Variants in OGFOD3 observed in about 807,000 individuals in gnomAD.
OGFOD3 encodes the protein 2-oxoglutarate and iron-dependent oxygenase domain-containing protein 3.
A neutral mutation model predicts 39.8 loss-of-function variants in OGFOD3; 35 were observed. The observed-to-expected ratio is 0.88, with a 90% CI of 0.67 to 1.17. The LOEUF (loss-of-function observed/expected upper bound fraction) is 1.17. Ranked by LOEUF, OGFOD3 falls within the 50% of genes most tolerant of loss-of-function variation. The pLI is 0.00. For missense variants in OGFOD3, 438 were observed against 454.5 expected (o/e 0.96, Z 0.33); for synonymous variants, 200 against 192.0 (o/e 1.04, Z -0.34).
intron 7 of OGFOD3, among the ~76,000 whole-genome samples, chr17:82,399,637 T>A (rs915259761): frequency 2.0e-5 from 3 of 152,066 alleles, no homozygotes; most frequent in African/African-American, 7.2e-5. Context: ...CGCCCCCCAG[T>A]CCTGCCCTCT....
chr17:82,394,620 A>G, intron 8 of OGFOD3: 1 of 1,203,858 alleles, frequency 8.3e-7, no homozygotes. Flanking sequence ...TACACCCTCC[A>G]GAGAGAGGCC....
Position 82,401,803 on chromosome 17 carries a change from C to CAAA in OGFOD3, c.699+2131_699+2133dup, listed in dbSNP as rs79956747. Among the ~76,000 whole-genome samples the CAAA allele has an allele frequency of 7.9e-4, 49 of 61,674 alleles. 3 individuals are homozygous for CAAA. Among genetic ancestry groups the CAAA allele is most frequent in the Middle Eastern group, 7.9e-3 (1 of 126 alleles). The allele number at this position is 61,674 out of a possible 152,430, so 40.5% of individuals were successfully genotyped here. A position where few individuals can be genotyped will look rare whatever the true frequency, so the allele number is the denominator to read the frequency against. On this transcript the variant is annotated intron_variant, in intron 7 of 8. Coordinates refer to ENST00000313056, the MANE Select transcript of OGFOD3 (RefSeq NM_024648.3). ...TGGGTGGCAGAGCAAGACTCCATCT[C>CAAA]AAAAAAAAAAAAAAAAAAAACAAAG...
In OGFOD3 at chr17:82,406,363, G is replaced by A. The variant is rs377341014; in HGVS notation, c.488+55C>T. On this transcript the variant is annotated intron_variant, in intron 5 of 8. Coordinates refer to ENST00000313056, the MANE Select transcript of OGFOD3 (RefSeq NM_024648.3). This position sits in a 1 kb window ranked among gnomAD's most constrained non-coding sequence, Gnocchi z 5.2. ...CCACATGTCCATGGCTAAGAGGCACGGAGCCGCTCACTCGGCTTTCAGAGC... is the reference window on the plus strand; with the variant it reads ...CCACATGTCCATGGCTAAGAGGCACAGAGCCGCTCACTCGGCTTTCAGAGC... The A allele has an allele frequency of 4.1e-5, 62 of 1,509,360 alleles. No individual in the cohort carries two copies. The highest frequency in any genetic ancestry group is 3.8e-4 in the East Asian group (17 of 44,370). 93.5% of individuals were successfully genotyped at this position (1,509,360 alleles called of 1,614,324 possible). A position where few individuals can be genotyped will look rare whatever the true frequency, so the allele number is the denominator to read the frequency against.
rs1460550367 is a variant in OGFOD3, at chr17:82,404,778, T to C, written c.545+546A>G. ...TTTTTTTGAGATGAGGCTTGTTCTG[T>C]CACCCAGGCTGGAGTGCAGTGGTGC... On this transcript the variant is annotated intron_variant, in intron 6 of 8. Transcript: ENST00000313056. This position sits in a 1 kb window ranked among gnomAD's most constrained non-coding sequence, Gnocchi z 4.5. Among the ~76,000 whole-genome samples the C allele has an allele frequency of 2.7e-5, 4 of 150,386 alleles. No homozygotes were observed. The highest frequency in any genetic ancestry group is 9.8e-5 in the African/African-American group (4 of 40,708).
chr17:82,395,604 G>A (rs948319044), intron 8 of OGFOD3, among the ~76,000 whole-genome samples: 2 of 152,214 alleles, frequency 1.3e-5, no homozygotes, highest in Non-Finnish European at 2.9e-5. Flanking sequence ...GGTGGATCAC[G>A]AGGTCAGGAG....
chr17:82,398,574 T>A (rs543277195), intron 7 of OGFOD3, among the ~76,000 whole-genome samples: 5 of 152,226 alleles, frequency 3.3e-5, no homozygotes, highest in African/African-American at 1.2e-4. Context: ...TAATTTTGTA[T>A]TTTTAGTAGA....
intron 7 of OGFOD3, among the ~76,000 whole-genome samples, chr17:82,400,505 A>T (rs867754222): frequency 2.0e-5 from 3 of 152,208 alleles, no homozygotes; most frequent in Non-Finnish European, 4.4e-5. Context: ...ACTGTTTTAA[A>T]TGTGATTCTT....
In OGFOD3 at chr17:82,391,059, G is replaced by C. The variant is rs1033738134; in HGVS notation, c.*1339C>G. The C allele has an allele frequency of 6.3e-6, 1 of 159,174 alleles. No homozygotes were observed. The highest frequency in any genetic ancestry group is 2.4e-5 in the African/African-American group (1 of 41,456). 9.9% of individuals were successfully genotyped at this position (159,174 alleles called of 1,614,324 possible). The stretch of plus-strand genomic sequence containing the variant: ...GGGAACATGGATCTATGCCAGACAG[G>C]CTAAGGGAGGAGGGACCGAGGCAGG... On this transcript the variant is annotated 3_prime_UTR_variant, in exon 9 of 9. Transcript: ENST00000313056. The surrounding 1 kb of genome is among the most constrained non-coding windows in gnomAD (Gnocchi z 5.1).
rs573854897 is a variant in OGFOD3, at chr17:82,409,254, C to T, written c.423+114G>A. Reference sequence around the variant, plus strand: ...CTGAGAAACACCACGGCAGGCCCCACCCACATTTGGGGGCACGCAGGGAAC... The same window carrying T: ...CTGAGAAACACCACGGCAGGCCCCATCCACATTTGGGGGCACGCAGGGAAC... On this transcript the variant is annotated intron_variant, in intron 4 of 8. Transcript: ENST00000313056. The T allele has an allele frequency of 7.0e-4, 741 of 1,053,386 alleles. 2 individuals carry two copies. The highest frequency in any genetic ancestry group is 7.0e-3 in the African/African-American group (452 of 64,460). 65.3% of individuals were successfully genotyped at this position (1,053,386 alleles called of 1,614,324 possible).
In OGFOD3 at chr17:82,415,416, T is replaced by C; in HGVS notation, c.286A>G (p.Ser96Gly). The C allele has an allele frequency of 6.2e-7, 1 of 1,613,684 alleles. No homozygotes were observed. ...GAACTACCTTCGAACCTGCGGTGAC[T>C]GTCGTAGTCCTCAGAGCAGGGCACC... ...IEVPCSEDYD[S>G]HRRFEGCTPR... The change falls in exon 2 of 9, where the codon AGT becomes GGT. Residue 96 changes from serine to glycine, a missense_variant. Physicochemically the swap from Ser to Gly is moderately conservative, Grantham distance 56. Coordinates refer to ENST00000313056, the MANE Select transcript of OGFOD3 (RefSeq NM_024648.3). The surrounding 1 kb of genome is among the most constrained non-coding windows in gnomAD (Gnocchi z 5.3).
intron 7 of OGFOD3, among the ~76,000 whole-genome samples, chr17:82,403,317 C>A (rs1356791356): frequency 1.3e-5 from 2 of 152,080 alleles, no homozygotes; most frequent in Non-Finnish European, 2.9e-5. Context: ...TGCCCTGAAA[C>A]CTCAGAGAGG....
chr17:82,418,491 C>T lies in OGFOD3; in HGVS notation c.-6G>A, dbSNP rs1377128028. Reference sequence around the variant, plus strand: ...GCCCTCCGCTGAGGAGCCATCGGACCAGGCCGCCGCGGAGCCGGGCCGGAC... The same window carrying T: ...GCCCTCCGCTGAGGAGCCATCGGACTAGGCCGCCGCGGAGCCGGGCCGGAC... On this transcript the variant is annotated 5_prime_UTR_variant, in exon 1 of 9. Coordinates refer to ENST00000313056, the MANE Select transcript of OGFOD3 (RefSeq NM_024648.3). 7.2e-7 allele frequency: 1 copy of T among 1,398,344 alleles called. No individual in the cohort carries two copies. The highest frequency in any genetic ancestry group is 9.3e-7 in the Non-Finnish European group (1 of 1,078,790). 86.6% of individuals were successfully genotyped at this position (1,398,344 alleles called of 1,614,324 possible).
intron 7 of OGFOD3, among the ~76,000 whole-genome samples, chr17:82,398,820 G>C (rs1215486425): frequency 2.0e-5 from 3 of 151,190 alleles, no homozygotes; most frequent in Admixed American, 6.6e-5. Context: ...CAATCCTCCT[G>C]CCTCAGCATC....
chr17:82,404,674 G>A lies in OGFOD3; in HGVS notation c.546-584C>T, dbSNP rs1280117755. Among the ~76,000 whole-genome samples, 3 of 151,950 alleles carry A rather than the reference G, an allele frequency of 2.0e-5. No homozygotes were observed. Among genetic ancestry groups the A allele is most frequent in the Non-Finnish European group, 2.9e-5 (2 of 67,984 alleles). On this transcript the variant is annotated intron_variant, in intron 6 of 8. Transcript: ENST00000313056. This position sits in a 1 kb window ranked among gnomAD's most constrained non-coding sequence, Gnocchi z 4.5. ...CACTCATGTGTCCTGGGATGGTTGC[G>A]TGACTCTTAGCTCCTTTGCCCTCAT...
chr17:82,399,111 C>T (rs1053816661), intron 7 of OGFOD3, among the ~76,000 whole-genome samples: 5 of 152,286 alleles, frequency 3.3e-5, no homozygotes, highest in East Asian at 3.9e-4. Context: ...GCTGGGATTA[C>T]GCGCGTGAGT....
At chr17:82,402,039 T>C (rs2052776044) in intron 7 of OGFOD3, among the ~76,000 whole-genome samples, 1 of 152,090 alleles carries the variant, frequency 6.6e-6, no homozygotes, top group African/African-American at 2.4e-5. Flanking sequence ...AGGTTGACTG[T>C]ATGAAGGGAA....
At chr17:82,402,078 C>T (rs1412916094) in intron 7 of OGFOD3, among the ~76,000 whole-genome samples, 1 of 152,106 alleles carries the variant, frequency 6.6e-6, no homozygotes, top group Non-Finnish European at 1.5e-5. Context: ...TAAAAATCAC[C>T]CTTAAAGAAT....
chr17:82,414,948 A>G (rs948857394), intron 2 of OGFOD3, among the ~76,000 whole-genome samples: 1 of 152,152 alleles, frequency 6.6e-6, no homozygotes, highest in Admixed American at 6.5e-5. Context: ...GCGCTGCTCC[A>G]GGCTCTGGGC....
chr17:82,394,505 C>T (rs540898317), intron 8 of OGFOD3: 2 of 1,613,670 alleles, frequency 1.2e-6, no homozygotes, highest in East Asian at 2.2e-5. Flanking sequence ...CCATTAACTT[C>T]TTGGAACCCA....
Sources: gnomAD v4.1 joint callset for allele counts (sites outside exome capture counted in the v4.1 genomes callset) on GRCh38, gnomAD v4.1.1 for gene constraint, Gnocchi (gnomAD v3.1) non-coding constraint, MANE v1.5 for transcripts, NCBI Gene and HGNC (gene_info 2026-07-23, HGNC 2026-07-21) for gene names.